Variants in COL24A1 observed in about 807,000 individuals in gnomAD.
COL24A1 encodes collagen alpha-1(XXIV) chain.
COL24A1 carries 224 observed loss-of-function variants against 253.9 expected under a neutral mutation model. That is an observed-to-expected ratio of 0.88 (90% CI 0.79 to 0.99). The LOEUF is 0.99. COL24A1 is among the 50% of genes least tolerant of loss of function. The probability of loss-of-function intolerance (pLI) is 0.00; values close to 1 mark genes in which losing one functional copy is unlikely to be tolerated. For synonymous variants in COL24A1, 685 were observed against 673.7 expected, an observed-to-expected ratio of 1.02 and a Z score of -0.26; for missense variants, 2,131 against 2,068.5, an observed-to-expected ratio of 1.03 and a Z score of -0.59.
At chr1:86,044,418 GAA>G (rs1197930129) in intron 12 of COL24A1, among the ~76,000 whole-genome samples, 3 of 151,906 alleles carry the variant, frequency 2.0e-5, no homozygotes, top group Non-Finnish European at 2.9e-5. Context: ...GTAAAAATGA[GAA>G]AAAGTACATA....
chr1:85,745,849 T>C (rs978796575), intron 55 of COL24A1, among the ~76,000 whole-genome samples: 1 of 152,174 alleles, frequency 6.6e-6, no homozygotes, highest in African/African-American at 2.4e-5. Flanking sequence ...TAATAAATTG[T>C]AAAGTGAAGA....
chr1:85,921,305 C>A (rs1686454852), intron 24 of COL24A1, among the ~76,000 whole-genome samples: 4 of 152,236 alleles, frequency 2.6e-5, no homozygotes, highest in African/African-American at 4.8e-5. Context: ...CTTGGCAGGT[C>A]CCATGCCCAT....
At chr1:86,154,374 C>T (rs1507276) in intron 1 of COL24A1, 12,746 of 152,532 alleles carry the variant, frequency 0.084, 621 homozygotes, top group East Asian at 0.22. Context: ...TGTAACAGAA[C>T]AAATTGGATA....
chr1:85,924,202 A>G (rs921644367), intron 24 of COL24A1, among the ~76,000 whole-genome samples: 1 of 152,064 alleles, frequency 6.6e-6, no homozygotes, highest in Non-Finnish European at 1.5e-5. Context: ...AAAAAAAGTC[A>G]AGGACCAGAC....
intron 58 of COL24A1, chr1:85,736,522 C>A: frequency 2.2e-6 from 1 of 455,462 alleles, no homozygotes; most frequent in Non-Finnish European, 4.4e-6. Context: ...TGGAAGGATC[C>A]TTCCCTCTTC....
In COL24A1 at chr1:86,156,354, G is replaced by A. The variant is rs1557859135; in HGVS notation, c.43C>T (p.Pro15Ser). ...AHRTRRGKVSPTAKTKSLLHF... is the reference protein window; with the variant it reads ...AHRTRRGKVSSTAKTKSLLHF... ...TGGGCTACTTACGTTTTTGCCGTGG[G>A]GGAGACTTTTCCACGCCTTGTTCTG... The change falls in exon 1 of 60, where the codon CCC becomes TCC. Residue 15 changes from proline to serine, a missense_variant. Coordinates refer to ENST00000370571, the MANE Select transcript of COL24A1 (RefSeq NM_152890.7). The A allele has an allele frequency of 2.5e-6, 4 of 1,612,802 alleles. No homozygotes were observed. In the Admixed American group the frequency reaches 6.7e-5, roughly 27 times the overall value.
At chr1:86,069,635 C>G (rs926657414) in intron 7 of COL24A1, among the ~76,000 whole-genome samples, 10 of 149,156 alleles carry the variant, frequency 6.7e-5, no homozygotes, top group African/African-American at 2.5e-4. Context: ...TCTCCACACC[C>G]ACAGTTCCAG....
At chr1:85,850,699 G>A (rs138515884) in intron 37 of COL24A1, among the ~76,000 whole-genome samples, 21 of 152,150 alleles carry the variant, frequency 1.4e-4, no homozygotes, top group African/African-American at 4.6e-4. Flanking sequence ...CTATACAGCC[G>A]TAGGTAGATT....
intron 31 of COL24A1, among the ~76,000 whole-genome samples, chr1:85,892,217 T>C (rs1317898603): frequency 2.0e-5 from 3 of 152,012 alleles, no homozygotes; most frequent in African/African-American, 4.8e-5. Flanking sequence ...TAATGATACA[T>C]TATATGCAAG....
chr1:86,003,175 T>G (rs952903780), intron 19 of COL24A1, among the ~76,000 whole-genome samples: 1 of 152,154 alleles, frequency 6.6e-6, no homozygotes, highest in Non-Finnish European at 1.5e-5. Flanking sequence ...CTATGCTTTT[T>G]GAGAAACAGT....
At chr1:85,919,800 A>T (rs1029257652) in intron 24 of COL24A1, among the ~76,000 whole-genome samples, 6 of 152,202 alleles carry the variant, frequency 3.9e-5, no homozygotes, top group African/African-American at 1.4e-4. Context: ...GGCAAAAATA[A>T]CTTTCTGTTG....
intron 5 of COL24A1, among the ~76,000 whole-genome samples, chr1:86,111,288 G>C (rs1705567943): frequency 6.6e-6 from 1 of 151,870 alleles, no homozygotes; most frequent in Non-Finnish European, 1.5e-5. Context: ...TGTCTAGCTA[G>C]AGGATTGTAA....
chr1:85,734,873 G>A lies in COL24A1; in HGVS notation c.4874C>T (p.Thr1625Ile), dbSNP rs191172721. The A allele has an allele frequency of 1.3e-4, 202 of 1,614,184 alleles. No individual in the cohort carries two copies. In the East Asian group the frequency reaches 4.0e-3, roughly 32 times the overall value. Residue 1625 changes from threonine (T) to isoleucine (I), a missense_variant, in exon 59 of 60, where the codon ACC (threonine) becomes ATC (isoleucine). Thr to Ile is a moderately conservative substitution (Grantham distance 89). Coordinates refer to ENST00000370571, the MANE Select transcript of COL24A1 (RefSeq NM_152890.7). ...TGTTTGTGTGCTTGTCCACCTTGGG[G>A]TGTTTAGACAGTGAATGGTGATGAT... Reference protein sequence around the residue: ...THIITIHCLNTPRWTSTQTSG... With the variant: ...THIITIHCLNIPRWTSTQTSG...
intron 12 of COL24A1, among the ~76,000 whole-genome samples, chr1:86,037,719 A>C (rs1699146263): frequency 6.6e-6 from 1 of 152,188 alleles, no homozygotes; most frequent in Non-Finnish European, 1.5e-5. Context: ...AAACTGCAAG[A>C]TAATAAATGA....
At chr1:85,953,020 C>T (rs779975920) in intron 24 of COL24A1, among the ~76,000 whole-genome samples, 7 of 152,108 alleles carry the variant, frequency 4.6e-5, no homozygotes, top group Non-Finnish European at 7.4e-5. Context: ...TTTACCTTTG[C>T]CCCTTCCATT....
intron 10 of COL24A1, among the ~76,000 whole-genome samples, chr1:86,053,897 GA>G (rs1700494669): frequency 6.6e-6 from 1 of 152,048 alleles, no homozygotes; most frequent in East Asian, 1.9e-4. Context: ...CAAATTAAGT[GA>G]AAAACATGTA....
rs780276819 is a variant in COL24A1 at position 85,847,761 on chromosome 1, T to A, written c.3366A>T (p.Gly1122=). 22 of 1,612,880 alleles carry A rather than the reference T, an allele frequency of 1.4e-5. No homozygotes were observed. In the African/African-American group the frequency reaches 2.8e-4, roughly 21 times the overall value. The change falls in exon 39 of 60, where the codon GGA becomes GGT. Residue 1122 remains glycine, a synonymous_variant. Coordinates refer to ENST00000370571, the MANE Select transcript of COL24A1 (RefSeq NM_152890.7). The part of the protein sequence containing the change: ...RGRPGKKGDK[G]QIGPTGEVGS... ...CAACTTCTCCTGTGGGTCCTATTTG[T>A]CCTTTATCACCCTGTGGATGACATT...
At chr1:85,858,620 C>CTT (rs1558416036) in intron 37 of COL24A1, among the ~76,000 whole-genome samples, 61 of 123,900 alleles carry the variant, frequency 4.9e-4, no homozygotes, top group African/African-American at 1.7e-3. Context: ...TTATTTTCTC[C>CTT]CTCCTTCCTT....
intron 24 of COL24A1, among the ~76,000 whole-genome samples, chr1:85,914,761 A>T (rs187701962): frequency 3.9e-5 from 6 of 152,320 alleles, no homozygotes; most frequent in African/African-American, 9.6e-5. Context: ...TTAATTTTAC[A>T]TCATAGTATT....
Sources: allele counts gnomAD v4.1 joint callset (sites outside exome capture counted in the v4.1 genomes callset), GRCh38; gene constraint gnomAD v4.1.1; transcripts MANE v1.5; gene names NCBI Gene and HGNC (gene_info 2026-07-23, HGNC 2026-07-21).